Variants in CTNNA2 observed in about 807,000 individuals in gnomAD.
CTNNA2 encodes catenin alpha 2.
CTNNA2 carries 42 observed loss-of-function variants against 101.0 expected under a neutral mutation model. That is an observed-to-expected ratio of 0.42 (90% CI 0.32 to 0.54). The LOEUF (loss-of-function observed/expected upper bound fraction) is 0.54. CTNNA2 is among the 20% of genes least tolerant of loss of function. The pLI is 0.14. For missense variants in CTNNA2, 871 were observed against 1,223.1 expected (o/e 0.71, Z 4.29); for synonymous variants, 450 against 456.4 (o/e 0.99, Z 0.18).
intron 7 of CTNNA2, among the ~76,000 whole-genome samples, chr2:80,359,074 CA>C (rs202202952): frequency 2.0e-5 from 3 of 151,620 alleles, no homozygotes; most frequent in East Asian, 3.9e-4. Flanking sequence ...CAAAACAAAA[CA>C]AAAAAAACCT....
At chr2:80,112,433 G>A (rs62141430) in intron 7 of CTNNA2, among the ~76,000 whole-genome samples, 8,465 of 152,166 alleles carry the variant, frequency 0.056, 243 homozygotes, top group Non-Finnish European at 0.062. Context: ...TGCTGTGATG[G>A]ACTGTGATGG....
At chr2:80,640,770 T>G (rs1202146213) in intron 18 of CTNNA2, among the ~76,000 whole-genome samples, 1 of 151,694 alleles carries the variant, frequency 6.6e-6, no homozygotes, top group Non-Finnish European at 1.5e-5. Context: ...TGTAGCAAAA[T>G]TTTTTTTTCC....
At chr2:79,869,995 CT>C in intron 5 of CTNNA2, 60 bp downstream of exon 5, 1 of 1,579,416 alleles carries the variant, frequency 6.3e-7, no homozygotes, top group South Asian at 1.1e-5. Flanking sequence ...AACCCTGTAG[CT>C]TTTTAGGCCT....
rs1415040632 is a variant in CTNNA2 at position 79,740,785 on chromosome 2, A to G, written c.103-3602A>G. On this transcript the variant is annotated intron_variant, in intron 2 of 18. Coordinates refer to ENST00000402739, the MANE Select transcript of CTNNA2 (RefSeq NM_001282597.3). Reference sequence around the variant, plus strand: ...CAAAGATACAGCATAGAGCACAACAACAATTCAGCCTTTTGTCTCTCTCGA... The same window carrying G: ...CAAAGATACAGCATAGAGCACAACAGCAATTCAGCCTTTTGTCTCTCTCGA... 2.6e-5 allele frequency among the ~76,000 whole-genome samples: 4 copies of G among 152,134 alleles called. 1 individual carries two copies. The South Asian group carries it at 8.3e-4, about 32-fold the overall frequency.
chr2:80,053,703 T>C (rs992505544), intron 7 of CTNNA2, among the ~76,000 whole-genome samples: 2 of 152,308 alleles, frequency 1.3e-5, no homozygotes, highest in East Asian at 1.9e-4. Flanking sequence ...ATTCCACACT[T>C]ACAACCTCCC....
chr2:80,184,384 G>A (rs1478724366), intron 7 of CTNNA2, among the ~76,000 whole-genome samples: 2 of 152,074 alleles, frequency 1.3e-5, no homozygotes, highest in African/African-American at 4.8e-5. Flanking sequence ...CACCATCACA[G>A]TGCTTAGGGC....
intron 7 of CTNNA2, among the ~76,000 whole-genome samples, chr2:79,975,491 G>C (rs369750580): frequency 6.6e-6 from 1 of 152,090 alleles, no homozygotes; most frequent in South Asian, 2.1e-4. Context: ...CTGACCTAGA[G>C]GTAGTGTCAG....
At chr2:80,508,276 C>T (rs1473771145) in intron 9 of CTNNA2, among the ~76,000 whole-genome samples, 1 of 152,062 alleles carries the variant, frequency 6.6e-6, no homozygotes, top group Non-Finnish European at 1.5e-5. Flanking sequence ...GAGTTCAACA[C>T]CAGCCTGGGT....
intron 9 of CTNNA2, among the ~76,000 whole-genome samples, chr2:80,487,421 C>G (rs1573012573): frequency 6.6e-6 from 1 of 152,138 alleles, no homozygotes; most frequent in East Asian, 1.9e-4. Flanking sequence ...CACAGTTCTG[C>G]AGGGCTGGGG....
At chr2:79,487,786 T>A (rs1558679465) in intron 4 of CTNNA2, among the ~76,000 whole-genome samples, 1 of 151,992 alleles carries the variant, frequency 6.6e-6, no homozygotes, top group African/African-American at 2.4e-5. Flanking sequence ...CAGAAAACAA[T>A]GAAAGAGAGA....
chr2:79,790,512 G>A (rs72914603), intron 3 of CTNNA2, among the ~76,000 whole-genome samples: 4,185 of 152,216 alleles, frequency 0.027, 189 homozygotes, highest in African/African-American at 0.09. Context: ...GAATTGAGGC[G>A]TAATGATTGT....
intron 9 of CTNNA2, among the ~76,000 whole-genome samples, chr2:80,428,002 A>G (rs1574016294): frequency 6.6e-6 from 1 of 152,244 alleles, no homozygotes; most frequent in African/African-American, 2.4e-5. Flanking sequence ...GTAGGATGAT[A>G]AAGAATGAAG....
intron 7 of CTNNA2, among the ~76,000 whole-genome samples, chr2:80,216,496 C>T (rs777253354): frequency 2.0e-5 from 3 of 152,140 alleles, no homozygotes; most frequent in Non-Finnish European, 1.5e-5. Context: ...GGAGGTGACG[C>T]CTTTGGGAGT....
At chr2:80,033,773 T>G (rs559220596) in intron 7 of CTNNA2, among the ~76,000 whole-genome samples, 1 of 152,120 alleles carries the variant, frequency 6.6e-6, no homozygotes, top group South Asian at 2.1e-4. Context: ...CTCTGGAAAA[T>G]AATGGACATT....
intron 8 of CTNNA2, among the ~76,000 whole-genome samples, chr2:80,407,498 T>C (rs2149388801): frequency 6.6e-6 from 1 of 152,322 alleles, no homozygotes; most frequent in Middle Eastern, 3.4e-3. Flanking sequence ...TTGACTGCTT[T>C]TGTGCTACAA....
intron 7 of CTNNA2, among the ~76,000 whole-genome samples, chr2:80,098,381 G>T (rs1700306159): frequency 1.3e-5 from 2 of 152,178 alleles, no homozygotes. Flanking sequence ...TGTCTCAGAG[G>T]AGTACCCGGC....
At chr2:80,198,455 AT>A (rs1452654920) in intron 7 of CTNNA2, among the ~76,000 whole-genome samples, 1 of 152,228 alleles carries the variant, frequency 6.6e-6, no homozygotes, top group Non-Finnish European at 1.5e-5. Flanking sequence ...AATATAAAGC[AT>A]TATTATCAAG....
intron 9 of CTNNA2, among the ~76,000 whole-genome samples, chr2:80,543,289 G>A (rs1259413355): frequency 2.6e-5 from 4 of 152,148 alleles, no homozygotes; most frequent in South Asian, 2.1e-4. Context: ...GACCTGCATC[G>A]TTGGTTCCTG....
rs1261800672 is a variant in CTNNA2 at position 79,286,790 on chromosome 2, G to GA, written c.-405-25917dup. Reference sequence around the variant, plus strand: ...GGCGTTCTCTGTATTTCCTGAATCTGAATGTTGGCCTGCCTTGCTAGATTG... The same window carrying GA: ...GGCGTTCTCTGTATTTCCTGAATCTGAAATGTTGGCCTGCCTTGCTAGATTG... On this transcript the variant is annotated intron_variant, in intron 2 of 21. Transcript: ENST00000466387. Among the ~76,000 whole-genome samples the GA allele has an allele frequency of 2.0e-5, 3 of 152,042 alleles. No individual in the cohort carries two copies. The East Asian group carries it at 5.8e-4, about 29-fold the overall frequency.
Sources: allele counts gnomAD v4.1 joint callset (sites outside exome capture counted in the v4.1 genomes callset), GRCh38; gene constraint gnomAD v4.1.1; transcripts MANE v1.5; gene names NCBI Gene and HGNC (gene_info 2026-07-23, HGNC 2026-07-21).